Variants in BICD1 observed in about 807,000 individuals in gnomAD.
BICD1 encodes BICD cargo adaptor 1.
BICD1 carries 35 observed loss-of-function variants against 92.5 expected under a neutral mutation model. That is an observed-to-expected ratio of 0.38 (90% CI 0.29 to 0.50). The LOEUF (loss-of-function observed/expected upper bound fraction) is 0.50. Among genes scored for constraint, BICD1 ranks in the 20% least tolerant of loss-of-function variants. The pLI is 0.93. For synonymous variants in BICD1, 429 were observed against 465.1 expected, an observed-to-expected ratio of 0.92 and a Z score of 1.00; for missense variants, 950 against 1,189.8, an observed-to-expected ratio of 0.80 and a Z score of 2.97.
intron 9 of BICD1, among the ~76,000 whole-genome samples, chr12:32,375,705 A>G (rs911820111): frequency 1.3e-5 from 2 of 152,194 alleles, no homozygotes; most frequent in Non-Finnish European, 2.9e-5. Flanking sequence ...ACAGCACTTC[A>G]AAGAGTTTGG....
chr12:32,367,144 AG>A (rs1939554348), intron 8 of BICD1, among the ~76,000 whole-genome samples: 1 of 152,204 alleles, frequency 6.6e-6, no homozygotes, highest in Non-Finnish European at 1.5e-5. Flanking sequence ...AAAACTGTAA[AG>A]ATTATTTCCT....
intron 2 of BICD1, among the ~76,000 whole-genome samples, chr12:32,280,642 C>T (rs537830113): frequency 6.6e-6 from 1 of 152,308 alleles, no homozygotes; most frequent in East Asian, 1.9e-4. Context: ...TTTCCTGCAT[C>T]TGCTATTTCT....
intron 2 of BICD1, among the ~76,000 whole-genome samples, chr12:32,239,304 C>T (rs956662911): frequency 1.3e-5 from 2 of 150,046 alleles, no homozygotes; most frequent in African/African-American, 2.4e-5. Context: ...CTGTGGCTTA[C>T]GCCTGTAATC....
In BICD1 at chr12:32,380,260, G is replaced by A. The variant is rs956542508; in HGVS notation, c.*2633G>A. 2.0e-5 allele frequency: 3 copies of A among 152,250 alleles called. No homozygotes were observed. Among genetic ancestry groups the A allele is most frequent in the African/African-American group, 7.2e-5 (3 of 41,552 alleles). The allele number at this position is 152,250 out of a possible 1,614,324, so 9.4% of individuals were successfully genotyped here. A position where few individuals can be genotyped will look rare whatever the true frequency, so the allele number is the denominator to read the frequency against. On this transcript the variant is annotated 3_prime_UTR_variant, in exon 10 of 10. Coordinates refer to ENST00000652176, the MANE Select transcript of BICD1 (RefSeq NM_001714.4). ...ATTTATAGGCATTTAAAGTGAATCA[G>A]TATGTGTAGTGTTGATAAAAATCAG... is the stretch of plus-strand genomic sequence containing the variant.
chr12:32,210,657 A>G (rs1226440896), intron 1 of BICD1, among the ~76,000 whole-genome samples: 1 of 152,236 alleles, frequency 6.6e-6, no homozygotes, highest in Non-Finnish European at 1.5e-5. Context: ...AGCTACAGAC[A>G]TGATAGGAAA....
intron 1 of BICD1, among the ~76,000 whole-genome samples, chr12:32,124,407 C>A (rs931648426): frequency 6.6e-6 from 1 of 151,956 alleles, no homozygotes; most frequent in African/African-American, 2.4e-5. Flanking sequence ...TGACCTTAGG[C>A]CAATATTTGA....
chr12:32,219,902 T>C (rs965783398), intron 2 of BICD1, among the ~76,000 whole-genome samples: 1 of 152,060 alleles, frequency 6.6e-6, no homozygotes, highest in Non-Finnish European at 1.5e-5. Flanking sequence ...GAGATATAGA[T>C]CAATGGAACA....
At chr12:32,183,153 G>A (rs751496252) in intron 1 of BICD1, among the ~76,000 whole-genome samples, 52 of 151,172 alleles carry the variant, frequency 3.4e-4, no homozygotes, top group Non-Finnish European at 6.9e-4. Context: ...CTCCCTTCTC[G>A]GCCTCCCAAA....
intron 2 of BICD1, among the ~76,000 whole-genome samples, chr12:32,252,168 A>G (rs1467585603): frequency 8.9e-6 from 1 of 111,850 alleles, no homozygotes; most frequent in African/African-American, 3.8e-5. Flanking sequence ...ATATATTTAT[A>G]ATAAATATTA....
At chr12:32,123,452 A>G (rs1565531016) in intron 1 of BICD1, among the ~76,000 whole-genome samples, 1 of 152,242 alleles carries the variant, frequency 6.6e-6, no homozygotes, top group Non-Finnish European at 1.5e-5. Context: ...AGGGAAAAGA[A>G]GTTTTCATTA....
At chr12:32,275,921 T>G (rs1223384663) in intron 2 of BICD1, among the ~76,000 whole-genome samples, 1 of 152,092 alleles carries the variant, frequency 6.6e-6, no homozygotes, top group Non-Finnish European at 1.5e-5. Flanking sequence ...ATTCCATTCC[T>G]TGGAATCCGT....
chr12:32,300,629 GTATTTT>G (rs1173927023), intron 3 of BICD1, among the ~76,000 whole-genome samples: 79 of 108,374 alleles, frequency 7.3e-4, no homozygotes, highest in African/African-American at 2.7e-3. Flanking sequence ...TGACTTTACA[GTATTTT>G]TTTTTTTTTT....
At chr12:32,252,131 AATATTAT>A (rs1447011032) in intron 2 of BICD1, among the ~76,000 whole-genome samples, 2 of 120,762 alleles carry the variant, frequency 1.7e-5, no homozygotes, top group South Asian at 2.3e-4. Flanking sequence ...ATTTATAATA[AATATTAT>A]ATATTATATA....
chr12:32,256,834 T>C (rs1284495909), intron 2 of BICD1, among the ~76,000 whole-genome samples: 1 of 152,230 alleles, frequency 6.6e-6, no homozygotes, highest in Non-Finnish European at 1.5e-5. Flanking sequence ...AGTTTGATTT[T>C]ATTGAATAAT....
rs576025045 is a variant in BICD1, at chr12:32,321,718, G to A, written c.1006-5743G>A. On this transcript the variant is annotated intron_variant, in intron 4 of 9. Coordinates refer to ENST00000652176, the MANE Select transcript of BICD1 (RefSeq NM_001714.4). ...GAGCACTAAATCTAAAACAATTTAG[G>A]CCAGGCCCGGTGGCTCACGCCTGTA... Among the ~76,000 whole-genome samples, 98 of 152,256 alleles carry A rather than the reference G, an allele frequency of 6.4e-4. 1 individual carries two copies. Among genetic ancestry groups the A allele is most frequent in the Admixed American group, 4.1e-3 (63 of 15,302 alleles).
At chr12:32,149,634 T>C (rs1943228928) in intron 1 of BICD1, among the ~76,000 whole-genome samples, 1 of 152,278 alleles carries the variant, frequency 6.6e-6, no homozygotes, top group African/African-American at 2.4e-5. Context: ...GGCAAAACAT[T>C]GACCCTATCT....
chr12:32,172,280 A>G (rs1943968172), intron 1 of BICD1, among the ~76,000 whole-genome samples: 1 of 152,130 alleles, frequency 6.6e-6, no homozygotes, highest in Non-Finnish European at 1.5e-5. Flanking sequence ...GTTTTATACC[A>G]GATACTAGTT....
At chr12:32,181,835 G>C (rs544610605) in intron 1 of BICD1, among the ~76,000 whole-genome samples, 1 of 152,066 alleles carries the variant, frequency 6.6e-6, no homozygotes, top group African/African-American at 2.4e-5. Context: ...TTATGCCTGT[G>C]TGTACCTCAT....
At chr12:32,237,555 G>A (rs1026687482) in intron 2 of BICD1, among the ~76,000 whole-genome samples, 7 of 152,084 alleles carry the variant, frequency 4.6e-5, no homozygotes, top group South Asian at 2.1e-4. Flanking sequence ...TCTTGTTAGG[G>A]GCTAATACAG....
Sources: allele counts gnomAD v4.1 joint callset (sites outside exome capture counted in the v4.1 genomes callset), GRCh38; gene constraint gnomAD v4.1.1; transcripts MANE v1.5; gene names NCBI Gene and HGNC (gene_info 2026-07-23, HGNC 2026-07-21).